The following EDA variants were observed in gnomAD, a reference collection of about 807,000 sequenced individuals.
The protein encoded by EDA is ectodysplasin-A.
In EDA, 2 loss-of-function variants were observed where a neutral mutation model predicts 23.6. The ratio of observed to expected loss-of-function variants is 0.08; its 90% CI spans 0.03 to 0.27. The LOEUF is 0.27. EDA is among the 10% of genes least tolerant of loss of function. The pLI is 1.00. For missense variants in EDA, 229 were observed against 324.2 expected (o/e 0.71, Z 2.26); for synonymous variants, 131 against 132.0 (o/e 0.99, Z 0.05).
intron 1 of EDA, among the ~76,000 whole-genome samples, chrX:69,710,367 G>C (rs1450883712): frequency 1.8e-5 from 2 of 110,889 alleles, no homozygotes; most frequent in Non-Finnish European, 3.8e-5. Context: ...TCTCTGTTTT[G>C]GTACCAGTAC....
intron 1 of EDA, among the ~76,000 whole-genome samples, chrX:69,720,088 A>G (rs2012525007): frequency 9.0e-6 from 1 of 111,561 alleles, no homozygotes; most frequent in East Asian, 2.8e-4. Flanking sequence ...ATGGGCACTT[A>G]GGTTGGTTCT....
chrX:69,815,652 A>G (rs1028159956), intron 1 of EDA, among the ~76,000 whole-genome samples: 2 of 112,323 alleles, frequency 1.8e-5, no homozygotes, highest in African/African-American at 3.2e-5. Flanking sequence ...CAGCCACACC[A>G]GCAAGGGTTC....
At chrX:69,689,676 G>A (rs1934651661) in intron 1 of EDA, among the ~76,000 whole-genome samples, 1 of 110,932 alleles carries the variant, frequency 9.0e-6, no homozygotes. Flanking sequence ...TGGCTATTCT[G>A]TGCCGCTGAA....
intron 1 of EDA, among the ~76,000 whole-genome samples, chrX:69,763,878 G>A (rs780427460): frequency 4.9e-4 from 55 of 111,852 alleles, no homozygotes; most frequent in Non-Finnish European, 7.7e-4. Flanking sequence ...TGAGGCTTTA[G>A]ACTTTCATTT....
intron 1 of EDA, among the ~76,000 whole-genome samples, chrX:69,740,747 CTT>C (rs1276219399): frequency 1.8e-5 from 2 of 110,324 alleles, no homozygotes; most frequent in Admixed American, 9.7e-5. Flanking sequence ...CTCTTTCTCT[CTT>C]GTCTCCCTCT....
At chrX:69,911,596 G>C (rs1164434328) in intron 1 of EDA, among the ~76,000 whole-genome samples, 1 of 111,720 alleles carries the variant, frequency 9.0e-6, no homozygotes, top group East Asian at 2.8e-4. Context: ...TTGTGGGTTT[G>C]TTTCCAAGCA....
At chrX:69,685,403 C>T (rs1227197946) in intron 1 of EDA, among the ~76,000 whole-genome samples, 2 of 111,207 alleles carry the variant, frequency 1.8e-5, no homozygotes, top group African/African-American at 6.5e-5. Flanking sequence ...ATTTTATTAG[C>T]TGATAATATC....
intron 1 of EDA, among the ~76,000 whole-genome samples, chrX:69,755,326 A>C (rs1241784657): frequency 9.0e-6 from 1 of 110,840 alleles, no homozygotes; most frequent in Admixed American, 9.6e-5. Context: ...CTGGAGGTCC[A>C]CTCCAGACCC....
intron 1 of EDA, among the ~76,000 whole-genome samples, chrX:69,907,820 T>C (rs968173043): frequency 3.6e-5 from 4 of 110,548 alleles, no homozygotes; most frequent in Non-Finnish European, 7.6e-5. Context: ...AGATGAGAAA[T>C]TAGAAAAGAG....
intron 1 of EDA, among the ~76,000 whole-genome samples, chrX:69,799,934 C>T (rs1024303989): frequency 4.5e-5 from 5 of 111,864 alleles, no homozygotes; most frequent in Non-Finnish European, 7.5e-5. Context: ...TTTATTGTAG[C>T]GCTGTTCACA....
At chrX:69,729,063 A>T (rs903551983) in intron 1 of EDA, 3 of 111,728 alleles carry the variant, frequency 2.7e-5, no homozygotes, top group African/African-American at 9.8e-5. Flanking sequence ...GAGTAACTGT[A>T]TCTGAGTGAG....
chrX:69,785,450 A>G (rs1275678526), intron 1 of EDA, among the ~76,000 whole-genome samples: 2 of 104,651 alleles, frequency 1.9e-5, no homozygotes, highest in Non-Finnish European at 4.0e-5. Flanking sequence ...AGCTCTTATT[A>G]TTTTGAGATA....
At chrX:69,825,046 GC>G (rs1431174504) in intron 1 of EDA, among the ~76,000 whole-genome samples, 3 of 87,957 alleles carry the variant, frequency 3.4e-5, no homozygotes, top group African/African-American at 4.4e-5. Flanking sequence ...CAGGGATGAA[GC>G]CCACTTGATC....
intron 1 of EDA, among the ~76,000 whole-genome samples, chrX:69,890,048 C>T (rs2147630197): frequency 9.0e-6 from 1 of 111,655 alleles, no homozygotes; most frequent in South Asian, 3.7e-4. Context: ...CTATGCTTTC[C>T]TCATTGACTT....
At chrX:69,968,582 G>A (rs780912482) in intron 2 of EDA, among the ~76,000 whole-genome samples, 25 of 111,650 alleles carry the variant, frequency 2.2e-4, no homozygotes, top group Admixed American at 4.8e-4. Flanking sequence ...AATTATCTTA[G>A]CATCTTCCCT....
intron 2 of EDA, among the ~76,000 whole-genome samples, chrX:70,012,461 G>A (rs2019889906): frequency 8.9e-6 from 1 of 111,759 alleles, no homozygotes; most frequent in African/African-American, 3.3e-5. Flanking sequence ...TAGAGACAGA[G>A]CCAAATCTTA....
intron 2 of EDA, among the ~76,000 whole-genome samples, chrX:70,016,320 A>G (rs2019948867): frequency 9.0e-6 from 1 of 111,166 alleles, no homozygotes; most frequent in Non-Finnish European, 1.9e-5. Context: ...TAGAAAGATC[A>G]TTGAGGCAGA....
chrX:69,679,536 T>G (rs1450494342), intron 1 of EDA, among the ~76,000 whole-genome samples: 3 of 111,099 alleles, frequency 2.7e-5, no homozygotes, highest in African/African-American at 6.6e-5. Flanking sequence ...ACATCTTCCT[T>G]GTTTAGTCTT....
chrX:69,772,072 C>A (rs112664799), intron 1 of EDA, among the ~76,000 whole-genome samples: 1,938 of 111,826 alleles, frequency 0.017, 49 homozygotes, highest in African/African-American at 0.06. Context: ...CCTGCCTCAG[C>A]CTCCTGAGTA....
Sources: allele counts gnomAD v4.1 joint callset (sites outside exome capture counted in the v4.1 genomes callset), GRCh38; gene constraint gnomAD v4.1.1; transcripts MANE v1.5; gene names NCBI Gene and HGNC (gene_info 2026-07-23, HGNC 2026-07-21).